Variants in ASCC3 observed in about 807,000 individuals in gnomAD.
ASCC3 encodes the protein ASC-1 complex subunit P200.
In ASCC3, 158 loss-of-function variants were observed where a neutral mutation model predicts 256.3. The ratio of observed to expected loss-of-function variants is 0.62; its 90% confidence interval spans 0.54 to 0.70. ASCC3 has a LOEUF of 0.70. ASCC3 is among the 30% of genes least tolerant of loss of function. ASCC3 has a pLI of 0.00. For missense variants in ASCC3, 2,259 were observed against 2,626.0 expected (o/e 0.86, Z 3.05); for synonymous variants, 948 against 883.4 (o/e 1.07, Z -1.30).
intron 3 of ASCC3, among the ~76,000 whole-genome samples, chr6:100,854,839 A>G (rs117514648): frequency 1.3e-5 from 2 of 152,284 alleles, no homozygotes; most frequent in East Asian, 1.9e-4. Context: ...AACAAATCAT[A>G]TAGCTCACTG....
At chr6:100,689,903 T>C (rs967524769) in intron 13 of ASCC3, among the ~76,000 whole-genome samples, 1 of 152,128 alleles carries the variant, frequency 6.6e-6, no homozygotes, top group Non-Finnish European at 1.5e-5. Flanking sequence ...GTGTAAAATA[T>C]GTGATTTAAG....
chr6:100,758,008 C>G (rs1382432553), intron 10 of ASCC3, among the ~76,000 whole-genome samples: 1 of 152,150 alleles, frequency 6.6e-6, no homozygotes, highest in Non-Finnish European at 1.5e-5. Flanking sequence ...TGTGTGAAGA[C>G]TGGCACTGAT....
chr6:100,859,343 G>A (rs887565096), intron 3 of ASCC3: 7 of 706,350 alleles, frequency 9.9e-6, no homozygotes, highest in Non-Finnish European at 1.8e-5. Context: ...GTTTTTCTAG[G>A]TATTCTCTGT....
chr6:100,847,507 A>G (rs1263207663), intron 4 of ASCC3, among the ~76,000 whole-genome samples: 1 of 152,194 alleles, frequency 6.6e-6, no homozygotes, highest in Non-Finnish European at 1.5e-5. Context: ...TCTGAAAAAT[A>G]CAGCTAGTAT....
In ASCC3 at chr6:100,881,322, G is replaced by C. The variant is rs1034728681; in HGVS notation, c.-303C>G. The C allele has an allele frequency of 6.6e-6, 1 of 152,160 alleles. No homozygotes were observed. The highest frequency in any genetic ancestry group is 1.5e-5 in the Non-Finnish European group (1 of 68,126). The allele number at this position is 152,160 out of a possible 1,614,324, so 9.4% of individuals were successfully genotyped here. A position where few individuals can be genotyped will look rare whatever the true frequency, so the allele number is the denominator to read the frequency against. On this transcript the variant is annotated 5_prime_UTR_variant, in exon 1 of 42. Transcript: ENST00000369162. ...AAGACGCACAGACCCGGCGAGGAGG[G>C]ACAGAGTGGAGCTGGCGCCGGCCTA...
intron 13 of ASCC3, 123 bp downstream of exon 13, chr6:100,715,339 G>A: frequency 1.3e-6 from 1 of 769,056 alleles, no homozygotes; most frequent in East Asian, 2.7e-5. Context: ...TAGAACCTCT[G>A]AGTCATTGCC....
At position 100,848,391 on chromosome 6, in the gene ASCC3, A is replaced by C; in HGVS notation, c.558T>G (p.Gly186=). The change falls in exon 4 of 42, where the codon GGT becomes GGG. Residue 186 remains glycine, a synonymous_variant. Coordinates refer to ENST00000369162, the MANE Select transcript of ASCC3 (RefSeq NM_006828.4). Reference sequence around the variant, plus strand: ...CTAGGCTTATAGTTTTCTGAGTTTCACCATTTATTGGCAGTTCGTCAAAGT... The same window carrying C: ...CTAGGCTTATAGTTTTCTGAGTTTCCCCATTTATTGGCAGTTCGTCAAAGT... ...LDHFDELPIN[G]ETQKTISLDY... The C allele has an allele frequency of 6.2e-7, 1 of 1,613,694 alleles. No homozygotes were observed. Among genetic ancestry groups the C allele is most frequent in the Non-Finnish European group, 8.5e-7 (1 of 1,179,962 alleles).
At chr6:100,640,923 G>A (rs1775091698) in intron 24 of ASCC3, among the ~76,000 whole-genome samples, 1 of 152,082 alleles carries the variant, frequency 6.6e-6, no homozygotes, top group African/African-American at 2.4e-5. Flanking sequence ...TTCATTAAAA[G>A]TAGTGAGGAC....
intron 13 of ASCC3, among the ~76,000 whole-genome samples, chr6:100,681,869 G>C (rs1356300933): frequency 6.6e-6 from 1 of 151,756 alleles, no homozygotes; most frequent in East Asian, 1.9e-4. Flanking sequence ...TTTTTGATAG[G>C]CTCTCTAGCT....
intron 6 of ASCC3, 58 bp downstream of exon 6, chr6:100,800,242 T>C: frequency 2.6e-6 from 4 of 1,545,354 alleles, no homozygotes; most frequent in South Asian, 1.1e-5. Context: ...AAAGTGATAA[T>C]GATATGTAAA....
chr6:100,564,071 T>A (rs1321390754), intron 36 of ASCC3, among the ~76,000 whole-genome samples: 1 of 152,022 alleles, frequency 6.6e-6, no homozygotes, highest in Non-Finnish European at 1.5e-5. Context: ...CCTTGTTTTT[T>A]AAGGTGTTTC....
At position 100,804,768 on chromosome 6, in the gene ASCC3, C is replaced by T. The variant is rs376959838; in HGVS notation, c.922+992G>A. Among the ~76,000 whole-genome samples the T allele has an allele frequency of 2.4e-4, 36 of 152,116 alleles. No homozygotes were observed. In the East Asian group the frequency reaches 3.5e-3, roughly 15 times the overall value. On this transcript the variant is annotated intron_variant, in intron 5 of 41. Coordinates refer to ENST00000369162, the MANE Select transcript of ASCC3 (RefSeq NM_006828.4). Reference sequence around the variant, plus strand: ...AAATAATAACAGATGTTGGCTCAGCCGCAGAAAACAGGGAACATTTATATA... The same window carrying T: ...AAATAATAACAGATGTTGGCTCAGCTGCAGAAAACAGGGAACATTTATATA...
intron 16 of ASCC3, among the ~76,000 whole-genome samples, chr6:100,661,360 A>ACACACAC (rs1346997501): frequency 7.4e-5 from 6 of 80,752 alleles, no homozygotes; most frequent in African/African-American, 1.1e-4. Context: ...CACACACACA[A>ACACACAC]AACAAATGAT....
At chr6:100,654,927 T>C (rs1291647306) in intron 17 of ASCC3, among the ~76,000 whole-genome samples, 2 of 151,992 alleles carry the variant, frequency 1.3e-5, no homozygotes, top group African/African-American at 4.8e-5. Context: ...AGGATTCATA[T>C]AAAAACTAAG....
At position 100,743,303 on chromosome 6, in the gene ASCC3, T is replaced by G. The variant is rs146445761; in HGVS notation, c.1738-17600A>C. ...CAATGTGAGAACCTGGATATTTCAGTTGAAGGTGCTATTATCACTTGCCCC... is the reference window on the plus strand; with the variant it reads ...CAATGTGAGAACCTGGATATTTCAGGTGAAGGTGCTATTATCACTTGCCCC... On this transcript the variant is annotated intron_variant, in intron 10 of 41. Transcript: ENST00000369162. 3.3e-5 allele frequency among the ~76,000 whole-genome samples: 5 copies of G among 152,348 alleles called. No individual in the cohort carries two copies. The East Asian group carries it at 9.6e-4, about 29-fold the overall frequency.
In ASCC3 at chr6:100,631,213, C is replaced by T. The variant is rs1049647322; in HGVS notation, c.4123G>A (p.Ala1375Thr). The change falls in exon 26 of 42, where the codon GCG becomes ACG. Residue 1375 changes from alanine to threonine, a missense_variant and splice_region_variant. Transcript: ENST00000369162. ...GCTTTTAGGGGTGCAATATATACCG[C>T]CTAAAAAGGGGAGAATAGCCAAAAA... ...RVFNKYPTSK[A>T]VYIAPLKALV... The T allele has an allele frequency of 1.2e-5, 19 of 1,608,980 alleles. No homozygotes were observed. The highest frequency in any genetic ancestry group is 1.6e-5 in the Non-Finnish European group (19 of 1,176,340).
intron 36 of ASCC3, among the ~76,000 whole-genome samples, chr6:100,577,756 ACACT>A (rs1436772957): frequency 6.6e-6 from 1 of 151,396 alleles, no homozygotes; most frequent in Non-Finnish European, 1.5e-5. Flanking sequence ...ACACACACAC[ACACT>A]CTCTCACACA....
chr6:100,768,271 ACTCTTATTACTT>A (rs1781758936), intron 8 of ASCC3, among the ~76,000 whole-genome samples: 1 of 152,112 alleles, frequency 6.6e-6, no homozygotes. Flanking sequence ...TGGTGTAGGT[ACTCTTATTACTT>A]CCCTTTAATC....
intron 30 of ASCC3, among the ~76,000 whole-genome samples, chr6:100,608,057 TACAC>T (rs1397026159): frequency 7.6e-6 from 1 of 130,852 alleles, no homozygotes. Flanking sequence ...TATACATATA[TACAC>T]ATATATATAC....
Sources: allele counts gnomAD v4.1 joint callset (sites outside exome capture counted in the v4.1 genomes callset), GRCh38; gene constraint gnomAD v4.1.1; transcripts MANE v1.5; gene names NCBI Gene and HGNC (gene_info 2026-07-23, HGNC 2026-07-21).